Variants in ASIP observed in about 807,000 individuals in gnomAD.
ASIP encodes the protein agouti-signaling protein.
A neutral mutation model predicts 10.3 loss-of-function variants in ASIP; 11 were observed. The observed-to-expected ratio is 1.07, with a 90% CI of 0.68 to 1.78. The LOEUF is 1.78. ASIP is among the 40% of genes most tolerant of loss of function. The probability of loss-of-function intolerance (pLI) is 0.00; values close to 1 mark genes in which losing one functional copy is unlikely to be tolerated. For synonymous variants in ASIP, 70 were observed against 70.8 expected, an observed-to-expected ratio of 0.99 and a Z score of 0.06; for missense variants, 180 against 169.2, an observed-to-expected ratio of 1.06 and a Z score of -0.35.
intron 1 of ASIP, among the ~76,000 whole-genome samples, chr20:34,210,787 G>C (rs146205583): frequency 2.0e-4 from 30 of 152,294 alleles, no homozygotes; most frequent in South Asian, 4.1e-4. Context: ...AAGGCTTTCA[G>C]TTTTTCCCCA....
chr20:34,252,355 G>T (rs999668891), intron 1 of ASIP, among the ~76,000 whole-genome samples: 1 of 152,170 alleles, frequency 6.6e-6, no homozygotes, highest in South Asian at 2.1e-4. Flanking sequence ...GAGAAGGTCA[G>T]CAGGGAAACA....
intron 1 of ASIP, chr20:34,246,303 T>C: frequency 6.4e-7 from 1 of 1,550,988 alleles, no homozygotes; most frequent in South Asian, 1.2e-5. Flanking sequence ...TGACCCTCAC[T>C]AATTCCAGCT....
chr20:34,216,420 T>C (rs1242516093), intron 1 of ASIP, among the ~76,000 whole-genome samples: 1 of 152,240 alleles, frequency 6.6e-6, no homozygotes, highest in African/African-American at 2.4e-5. Flanking sequence ...TGGCGTCTTA[T>C]GATAAGCAAA....
intron 1 of ASIP, among the ~76,000 whole-genome samples, chr20:34,199,948 C>G (rs1016745190): frequency 6.6e-6 from 1 of 152,216 alleles, no homozygotes; most frequent in Non-Finnish European, 1.5e-5. Context: ...GTATCCAAGG[C>G]AAGAGCCTCA....
At chr20:34,261,865 C>T (rs1203134264) in intron 2 of ASIP, among the ~76,000 whole-genome samples, 2 of 152,078 alleles carry the variant, frequency 1.3e-5, no homozygotes, top group Non-Finnish European at 2.9e-5. Flanking sequence ...CTAATCCCAG[C>T]GCTTTGGGAG....
intron 1 of ASIP, chr20:34,213,614 C>T (rs1601573973): frequency 2.6e-6 from 4 of 1,566,206 alleles, no homozygotes; most frequent in Non-Finnish European, 3.5e-6. Flanking sequence ...TTGAATTTGG[C>T]CGTAATCTGG....
intron 1 of ASIP, among the ~76,000 whole-genome samples, chr20:34,243,835 C>A (rs1274424066): frequency 6.6e-6 from 1 of 151,218 alleles, no homozygotes; most frequent in Non-Finnish European, 1.5e-5. Context: ...GAGGCCGAGG[C>A]GGGTGGATCA....
chr20:34,215,099 C>T (rs1337745626), intron 1 of ASIP: 2 of 1,569,510 alleles, frequency 1.3e-6, no homozygotes, highest in Admixed American at 1.7e-5. Context: ...CACAAAGATT[C>T]TACTAGTTTC....
intron 1 of ASIP, among the ~76,000 whole-genome samples, chr20:34,197,613 T>C (rs764477465): frequency 2.6e-5 from 4 of 152,202 alleles, no homozygotes; most frequent in Non-Finnish European, 4.4e-5. Flanking sequence ...ATGGTAGAAC[T>C]GACTTAAAGC....
intron 1 of ASIP, among the ~76,000 whole-genome samples, chr20:34,223,871 C>T (rs1462389970): frequency 7.2e-5 from 7 of 97,402 alleles, no homozygotes; most frequent in Admixed American, 3.0e-4. Context: ...TTGTTCTGCA[C>T]TAAGAAAAAT....
intron 1 of ASIP, among the ~76,000 whole-genome samples, chr20:34,221,149 C>A (rs533691284): frequency 6.6e-6 from 1 of 151,630 alleles, no homozygotes; most frequent in Non-Finnish European, 1.5e-5. Flanking sequence ...GAGGCTGAGG[C>A]GGGTGGATCA....
At chr20:34,263,058 C>T (rs2035722731) in intron 3 of ASIP, among the ~76,000 whole-genome samples, 165 bp downstream of exon 3, 1 of 152,116 alleles carries the variant, frequency 6.6e-6, no homozygotes, top group South Asian at 2.1e-4. Context: ...AGCTCTGAGC[C>T]AGACACCCAC....
intron 1 of ASIP, among the ~76,000 whole-genome samples, chr20:34,206,160 T>A (rs2034935213): frequency 1.3e-5 from 2 of 151,454 alleles, no homozygotes; most frequent in Admixed American, 6.6e-5. Context: ...ACCAAGATAA[T>A]TTTTTTTTGT....
intron 1 of ASIP, among the ~76,000 whole-genome samples, chr20:34,204,799 G>A (rs776562400): frequency 3.9e-5 from 6 of 152,148 alleles, no homozygotes; most frequent in Non-Finnish European, 7.4e-5. Flanking sequence ...AAATGAGCCT[G>A]TGATTTTTAC....
chr20:34,245,549 G>C (rs1439227627), intron 1 of ASIP, among the ~76,000 whole-genome samples: 1 of 151,282 alleles, frequency 6.6e-6, no homozygotes, highest in Non-Finnish European at 1.5e-5. Flanking sequence ...CACCATGCCT[G>C]GCTAAATTTT....
intron 1 of ASIP, among the ~76,000 whole-genome samples, chr20:34,253,264 C>A (rs1370094345): frequency 6.6e-6 from 1 of 151,542 alleles, no homozygotes; most frequent in African/African-American, 2.4e-5. Context: ...TGCCACCACG[C>A]CCGCCTAATT....
chr20:34,265,601 A>G (rs1021471725), intron 3 of ASIP, among the ~76,000 whole-genome samples: 5 of 152,182 alleles, frequency 3.3e-5, no homozygotes, highest in African/African-American at 1.2e-4. Flanking sequence ...TCAACTGTAT[A>G]TAATTATGAT....
rs977421186 is a variant in ASIP, at chr20:34,213,389, G to T, written c.-11+18629G>T. The T allele has an allele frequency of 1.1e-5, 7 of 631,578 alleles. No individual in the cohort carries two copies. The East Asian group carries it at 1.8e-4, about 17-fold the overall frequency. 39.1% of individuals were successfully genotyped at this position (631,578 alleles called of 1,614,324 possible). On this transcript the variant is annotated intron_variant, in intron 1 of 3. Coordinates refer to the ASIP transcript ENST00000568305. ...TAAGACAGAAAGTTAATGCCAGAGAGTGGAGTGTTGCTATAACCAACACCT... is the reference window on the plus strand; with the variant it reads ...TAAGACAGAAAGTTAATGCCAGAGATTGGAGTGTTGCTATAACCAACACCT...
At chr20:34,263,932 A>C (rs953488330) in intron 3 of ASIP, among the ~76,000 whole-genome samples, 1 of 152,120 alleles carries the variant, frequency 6.6e-6, no homozygotes, top group South Asian at 2.1e-4. Context: ...CAGCCTACCA[A>C]AGTGCTGGGA....
Sources: gnomAD v4.1 joint callset for allele counts (sites outside exome capture counted in the v4.1 genomes callset) on GRCh38, gnomAD v4.1.1 for gene constraint, MANE v1.5 for transcripts, NCBI Gene and HGNC (gene_info 2026-07-23, HGNC 2026-07-21) for gene names.